The following CCND3 variants were observed in gnomAD, a reference collection of about 807,000 sequenced individuals.
The protein encoded by CCND3 is G1/S-specific cyclin-D3.
Under a neutral mutation model 28.7 loss-of-function variants are expected in CCND3, and 9 were observed. The ratio of observed to expected loss-of-function variants is 0.31; its 90% CI spans 0.19 to 0.55. The LOEUF (loss-of-function observed/expected upper bound fraction) is 0.55. CCND3 is among the 20% of genes least tolerant of loss of function. The pLI, the probability that CCND3 is intolerant of heterozygous loss-of-function variation, is 0.93. For synonymous variants in CCND3, 164 were observed against 163.9 expected, an observed-to-expected ratio of 1.00 and a Z score of 0.00; for missense variants, 315 against 385.8, an observed-to-expected ratio of 0.82 and a Z score of 1.54.
rs551781666 is a variant in CCND3, at chr6:41,994,186, T to C, written c.-45-53601A>G. Among the ~76,000 whole-genome samples, 4 of 151,956 alleles carry C rather than the reference T, an allele frequency of 2.6e-5. No homozygotes were observed. In the South Asian group the frequency reaches 6.2e-4, roughly 24 times the overall value. On this transcript the variant is annotated intron_variant, in intron 1 of 4. Coordinates refer to the CCND3 transcript ENST00000372988. Reference sequence around the variant, plus strand: ...CTCTAGATAGACAAACTACTTGCCATTGTGTTACAGTTGCCTACAGAATTC... The same window carrying C: ...CTCTAGATAGACAAACTACTTGCCACTGTGTTACAGTTGCCTACAGAATTC...
intron 1 of CCND3, among the ~76,000 whole-genome samples, chr6:41,997,076 C>T (rs1277901211): frequency 1.3e-5 from 2 of 152,198 alleles, no homozygotes; most frequent in Non-Finnish European, 2.9e-5. Flanking sequence ...TGTCTGTCCC[C>T]AGCCAGCCCA....
chr6:41,998,065 G>C (rs1762863989), intron 1 of CCND3, among the ~76,000 whole-genome samples: 1 of 151,604 alleles, frequency 6.6e-6, no homozygotes, highest in Admixed American at 6.6e-5. Context: ...AAGGCAAGCA[G>C]ATCACTTGAG....
Position 42,000,234 on chromosome 6 carries a change from C to CCTT in CCND3, c.-46+48266_-46+48267insAAG. On this transcript the variant is annotated intron_variant, in intron 1 of 4. Transcript: ENST00000372988. ...AGTCTCGTGGAAATTTGAAAACATA[C>CCTT]TTTTTTTTTTTTTTTTTTTTTTTTT... Among the ~76,000 whole-genome samples the CCTT allele has an allele frequency of 3.9e-5, 2 of 51,032 alleles. 1 individual carries two copies. Among genetic ancestry groups the CCTT allele is most frequent in the South Asian group, 2.2e-3 (2 of 918 alleles). The allele number at this position is 51,032 out of a possible 152,430, so 33.5% of individuals were successfully genotyped here.
At position 41,939,991 on chromosome 6, in the gene CCND3, G is replaced by C. The variant is rs1440233514; in HGVS notation, c.414+379C>G. Among the ~76,000 whole-genome samples, 46 of 152,146 alleles carry C rather than the reference G, an allele frequency of 3.0e-4. No individual in the cohort carries two copies. The highest frequency in any genetic ancestry group is 3.0e-3 in the Admixed American group (46 of 15,270). ...GCACATTCCACTCCCCTACTCCAGT[G>C]GGGGTGTGCAGGCATGCCCTTCTGC... On this transcript the variant is annotated intron_variant, in intron 2 of 4. Coordinates refer to ENST00000372991, the MANE Select transcript of CCND3 (RefSeq NM_001760.5). This position sits in a 1 kb window ranked among gnomAD's most constrained non-coding sequence, Gnocchi z 4.2.
At position 41,941,502 on chromosome 6, in the gene CCND3, G is replaced by C. The variant is rs1254654753; in HGVS notation, c.148C>G (p.Arg50Gly). The change falls in exon 1 of 5, where the codon CGG (arginine) becomes GGG (glycine). Residue 50 changes from arginine to glycine, a missense_variant. By Grantham distance (125) the Arg-to-Gly change is moderately radical (BLOSUM62 -2). Transcript: ENST00000372991. This position sits in a 1 kb window ranked among gnomAD's most constrained non-coding sequence, Gnocchi z 6.1. ...TTCCGCATGTGCGGCTTGATCTCCCGCTGCACGCACTGGAAGTAGGAGGCG... is the reference window on the plus strand; with the variant it reads ...TTCCGCATGTGCGGCTTGATCTCCCCCTGCACGCACTGGAAGTAGGAGGCG... The part of the protein sequence containing the change: ...PRASYFQCVQ[R>G]EIKPHMRKML... 5 of 1,608,446 alleles carry C rather than the reference G, an allele frequency of 3.1e-6. No individual in the cohort carries two copies. The highest frequency in any genetic ancestry group is 4.2e-6 in the Non-Finnish European group (5 of 1,178,902).
chr6:42,023,702 C>CA (rs1451518873), intron 1 of CCND3, among the ~76,000 whole-genome samples: 1 of 42,078 alleles, frequency 2.4e-5, no homozygotes, highest in African/African-American at 9.9e-5. Flanking sequence ...ATCCATCCGC[C>CA]ATCTATCATC....
chr6:42,010,115 AG>A (rs775791341), intron 1 of CCND3, among the ~76,000 whole-genome samples: 2 of 152,060 alleles, frequency 1.3e-5, no homozygotes, highest in Non-Finnish European at 2.9e-5. Flanking sequence ...TCAGCCCTGA[AG>A]GGGATGGGTT....
intron 1 of CCND3, among the ~76,000 whole-genome samples, chr6:41,996,211 A>G (rs1027526382): frequency 6.6e-6 from 1 of 150,380 alleles, no homozygotes; most frequent in African/African-American, 2.4e-5. Flanking sequence ...GTGCACTGGC[A>G]TGATCTCGGC....
At chr6:42,041,898 T>C (rs1187013570) in intron 1 of CCND3, among the ~76,000 whole-genome samples, 1 of 152,158 alleles carries the variant, frequency 6.6e-6, no homozygotes, top group African/African-American at 2.4e-5. Flanking sequence ...AAGGTCTGCA[T>C]CTGTCTGAGG....
chr6:41,940,917 G>C, intron 1 of CCND3: 2 of 1,573,380 alleles, frequency 1.3e-6, no homozygotes, highest in Non-Finnish European at 1.7e-6. Flanking sequence ...AGAGAGCTGG[G>C]ACCTCACCCC....
At chr6:41,978,444 G>A (rs1314392999) in intron 1 of CCND3, among the ~76,000 whole-genome samples, 1 of 152,008 alleles carries the variant, frequency 6.6e-6, no homozygotes, top group Non-Finnish European at 1.5e-5. Flanking sequence ...GCTGAGGCAG[G>A]AGAATCGCTT....
At chr6:42,001,217 A>G (rs558314487) in intron 1 of CCND3, among the ~76,000 whole-genome samples, 1 of 120,370 alleles carries the variant, frequency 8.3e-6, no homozygotes, top group African/African-American at 3.2e-5. Flanking sequence ...CCTGGGCAAC[A>G]GAGCAAGACC....
intron 1 of CCND3, among the ~76,000 whole-genome samples, chr6:41,996,734 G>A (rs9369320): frequency 0.98 from 148,116 of 150,996 alleles, 72,702 homozygotes; most frequent in East Asian, 1. Flanking sequence ...GCACAATCTC[G>A]GCTCACTGCA....
rs993437707 is a variant in CCND3 at position 42,045,963 on chromosome 6, C to T, written c.-46+2538G>A. 2.0e-5 allele frequency among the ~76,000 whole-genome samples: 3 copies of T among 152,180 alleles called. No individual in the cohort carries two copies. In the South Asian group the frequency reaches 6.2e-4, roughly 31 times the overall value. ...TACCAGCGAGTGAGGGAGGAAGGTG[C>T]GTGCGTGGGAGAAGAGCAGCTTGGA... On this transcript the variant is annotated intron_variant, in intron 1 of 4. Transcript: ENST00000372988.
rs1259591963 is a variant in CCND3 at position 41,939,575 on chromosome 6, G to A, written c.414+795C>T. Among the ~76,000 whole-genome samples the A allele has an allele frequency of 6.6e-6, 1 of 152,168 alleles. No individual in the cohort carries two copies. The highest frequency in any genetic ancestry group is 1.9e-4 in the East Asian group (1 of 5,194). ...CAGGGAGCCACTTCCCAAACCACAG[G>A]AGTGACAGCAGCTCCCCACAGGGTT... On this transcript the variant is annotated intron_variant, in intron 2 of 4. Coordinates refer to ENST00000372991, the MANE Select transcript of CCND3 (RefSeq NM_001760.5). This position sits in a 1 kb window ranked among gnomAD's most constrained non-coding sequence, Gnocchi z 4.2.
At chr6:41,967,600 A>C (rs1339171092) in intron 1 of CCND3, among the ~76,000 whole-genome samples, 2 of 152,352 alleles carry the variant, frequency 1.3e-5, no homozygotes, top group East Asian at 3.9e-4. Context: ...TTCCGGGTAG[A>C]GCCCGGGAAT....
intron 1 of CCND3, among the ~76,000 whole-genome samples, chr6:42,021,031 C>T (rs1763696412): frequency 6.6e-6 from 1 of 152,182 alleles, no homozygotes; most frequent in Non-Finnish European, 1.5e-5. Flanking sequence ...GGATTATAGG[C>T]GTGAGCCACC....
intron 1 of CCND3, among the ~76,000 whole-genome samples, chr6:42,015,298 G>T (rs1364145682): frequency 6.6e-6 from 1 of 152,158 alleles, no homozygotes; most frequent in African/African-American, 2.4e-5. Flanking sequence ...AGTGGTGGGG[G>T]CTGTAACAGG....
chr6:41,955,598 T>C (rs546642717), intron 1 of CCND3, among the ~76,000 whole-genome samples: 1 of 144,332 alleles, frequency 6.9e-6, no homozygotes, highest in Non-Finnish European at 1.5e-5. Context: ...AACATCTTAG[T>C]GGTGACACAT....
Sources: allele counts gnomAD v4.1 joint callset (sites outside exome capture counted in the v4.1 genomes callset), GRCh38; gene constraint gnomAD v4.1.1; non-coding constraint Gnocchi (gnomAD v3.1); transcripts MANE v1.5; gene names NCBI Gene and HGNC (gene_info 2026-07-23, HGNC 2026-07-21).